POU2AF2: variants seen among roughly 807,000 people sequenced by gnomAD.
POU2AF2 encodes POU domain class 2-associating factor 2.
the POU2AF2 span, among the ~76,000 whole-genome samples, chr11:111,278,560 C>G: frequency 9.7e-3 from 562 of 57,914 alleles, 3 homozygotes; most frequent in African/African-American, 0.029. Flanking sequence ...CTCTCTGTCT[C>G]TCTCTCTCTC....
chr11:111,286,059 A>G, the POU2AF2 span: 2 of 1,604,038 alleles, frequency 1.2e-6, no homozygotes, highest in Middle Eastern at 3.3e-4. Flanking sequence ...TATTGAGGGG[A>G]GGGCCAAATG....
the POU2AF2 span, among the ~76,000 whole-genome samples, chr11:111,274,834 A>G: frequency 6.6e-6 from 1 of 152,192 alleles, no homozygotes; most frequent in African/African-American, 2.4e-5. Context: ...ACAGGCTCTG[A>G]TATCAGAAAG....
chr11:111,278,556 GTC>G, the POU2AF2 span, among the ~76,000 whole-genome samples: 13,293 of 148,016 alleles, frequency 0.09, 1,060 homozygotes, highest in African/African-American at 0.22. Context: ...CTCTCTCTCT[GTC>G]TCTCTCTCTC....
chr11:111,262,649 C>G, the POU2AF2 span, among the ~76,000 whole-genome samples: 1 of 152,166 alleles, frequency 6.6e-6, no homozygotes, highest in African/African-American at 2.4e-5. Context: ...CTCCTTCTTT[C>G]GTCTGTTTGA....
At chr11:111,268,506 T>TGAG in the POU2AF2 span, among the ~76,000 whole-genome samples, 2 of 106,860 alleles carry the variant, frequency 1.9e-5, no homozygotes, top group Non-Finnish European at 2.0e-5. Context: ...TATTTTATTT[T>TGAG]ATTTTATTTT....
At chr11:111,245,775 C>G in the POU2AF2 span, 5 of 398,640 alleles carry the variant, frequency 1.3e-5, no homozygotes, top group Non-Finnish European at 2.2e-5. Flanking sequence ...CAGACCAGGA[C>G]CCCTTACCAA....
the POU2AF2 span, among the ~76,000 whole-genome samples, chr11:111,248,214 C>G: frequency 3.4e-4 from 52 of 152,226 alleles, no homozygotes; most frequent in African/African-American, 1.1e-3. Context: ...AAACCACTAA[C>G]CCTGAGTTCC....
the POU2AF2 span, among the ~76,000 whole-genome samples, chr11:111,270,463 G>A: frequency 2.6e-5 from 4 of 152,138 alleles, no homozygotes; most frequent in Non-Finnish European, 5.9e-5. Flanking sequence ...CACAAAACCA[G>A]ATGAACTCTT....
the POU2AF2 span, among the ~76,000 whole-genome samples, chr11:111,249,663 C>G: frequency 9.9e-5 from 15 of 152,224 alleles, no homozygotes; most frequent in East Asian, 3.8e-4. Context: ...TCCTCAACTT[C>G]TCTAAGGCGT....
chr11:111,274,978 G>T, the POU2AF2 span, among the ~76,000 whole-genome samples: 1 of 152,228 alleles, frequency 6.6e-6, no homozygotes, highest in African/African-American at 2.4e-5. Context: ...CTTCTGGGAT[G>T]GTCGTGAGAA....
chr11:111,246,317 TAAG>T, the POU2AF2 span, among the ~76,000 whole-genome samples: 2 of 152,224 alleles, frequency 1.3e-5, no homozygotes, highest in African/African-American at 2.4e-5. Flanking sequence ...CTTTTAAGGC[TAAG>T]AAGTAAGGTC....
the POU2AF2 span, among the ~76,000 whole-genome samples, chr11:111,256,725 G>A: frequency 3.3e-5 from 5 of 152,328 alleles, 1 homozygote; most frequent in African/African-American, 1.2e-4. Context: ...GATCTTACTG[G>A]CTGGCTACTG....
At chr11:111,262,887 C>T in the POU2AF2 span, among the ~76,000 whole-genome samples, 1 of 152,152 alleles carries the variant, frequency 6.6e-6, no homozygotes, top group Non-Finnish European at 1.5e-5. Flanking sequence ...CAAATTAATA[C>T]ATCTCCTATC....
At chr11:111,264,562 AAGAAAGAAAGAAAGGGAG>A in the POU2AF2 span, among the ~76,000 whole-genome samples, 656 of 48,186 alleles carry the variant, frequency 0.014, 82 homozygotes, top group Non-Finnish European at 0.02. Flanking sequence ...GAAAGAAAGA[AAGAAAGAAAGAAAGGGAG>A]AGAGAAAGAC....
the POU2AF2 span, among the ~76,000 whole-genome samples, chr11:111,257,326 C>G: frequency 6.6e-6 from 1 of 152,090 alleles, no homozygotes; most frequent in African/African-American, 2.4e-5. Context: ...TTTCCTCCCA[C>G]CCAAGAACAC....
chr11:111,276,453 A>AAAAAAAAAAAAAAAATATATATATAT, the POU2AF2 span, among the ~76,000 whole-genome samples: 1 of 37,676 alleles, frequency 2.7e-5, no homozygotes, highest in Admixed American at 3.5e-4. Flanking sequence ...AAAAAAAAAA[A>AAAAAAAAAAAAAAAATATATATATAT]ATATATATAT....
chr11:111,250,523 G>A, the POU2AF2 span, among the ~76,000 whole-genome samples: 1 of 152,178 alleles, frequency 6.6e-6, no homozygotes. Flanking sequence ...CCAGGCACTA[G>A]CACTTGGGAT....
chr11:111,247,580 G>A, the POU2AF2 span, among the ~76,000 whole-genome samples: 28 of 152,190 alleles, frequency 1.8e-4, no homozygotes, highest in African/African-American at 6.7e-4. Flanking sequence ...GAGGTCAAGA[G>A]ATCGAAACCA....
the POU2AF2 span, chr11:111,281,545 T>C: frequency 8.7e-7 from 1 of 1,152,668 alleles, no homozygotes. Context: ...AAAACTCTGC[T>C]CCTTTAAAAT....
Sources: allele counts gnomAD v4.1 joint callset (sites outside exome capture counted in the v4.1 genomes callset), GRCh38; gene constraint gnomAD v4.1.1; transcripts MANE v1.5; gene names NCBI Gene and HGNC (gene_info 2026-07-23, HGNC 2026-07-21).